The following C13orf46 variants were observed in gnomAD, a reference collection of about 807,000 sequenced individuals.
C13orf46 encodes the protein uncharacterized protein C13orf46.
chr13:113,960,804 C>A (rs974539222), intron 6 of C13orf46, among the ~76,000 whole-genome samples: 23 of 152,234 alleles, frequency 1.5e-4, no homozygotes, highest in Admixed American at 3.3e-4. Flanking sequence ...GGCGAGGTTC[C>A]ATCGGATCTG....
At chr13:113,948,003 G>T in the C13orf46 span, among the ~76,000 whole-genome samples, 57 of 152,352 alleles carry the variant, frequency 3.7e-4, no homozygotes, top group African/African-American at 1.3e-3. Flanking sequence ...AGCGCCCATC[G>T]GGGCCATGGA....
rs1207968477 is a variant in C13orf46, at chr13:113,963,515, C to T, written c.572+1412G>A. Among the ~76,000 whole-genome samples the T allele has an allele frequency of 1.8e-4, 25 of 137,770 alleles. 1 individual carries two copies. The highest frequency in any genetic ancestry group is 2.6e-4 in the South Asian group (1 of 3,886). 90.4% of individuals were successfully genotyped at this position (137,770 alleles called of 152,430 possible). A position where few individuals can be genotyped will look rare whatever the true frequency, so the allele number is the denominator to read the frequency against. ...CAGCCTCGGCCCCTGTCCTCAGCCT[C>T]GCCCCTGTCCTCAGCCTCACCCCTG... On this transcript the variant is annotated intron_variant, in intron 6 of 6. Coordinates refer to ENST00000636427, the MANE Select transcript of C13orf46 (RefSeq NM_001365455.2).
intron 5 of C13orf46, among the ~76,000 whole-genome samples, chr13:113,965,698 ATGG>A (rs1200185065): frequency 2.6e-5 from 4 of 150,968 alleles, no homozygotes; most frequent in African/African-American, 4.9e-5. Flanking sequence ...GATGGTGACA[ATGG>A]TGATGGTGAT....
intron 5 of C13orf46, among the ~76,000 whole-genome samples, chr13:113,965,971 T>A (rs1164119871): frequency 6.9e-6 from 1 of 144,390 alleles, no homozygotes. Flanking sequence ...GATTATAATG[T>A]TGGTGATGAT....
the C13orf46 span, among the ~76,000 whole-genome samples, chr13:113,945,551 A>AAGAAAGAC: frequency 1.1e-5 from 1 of 91,344 alleles, no homozygotes; most frequent in African/African-American, 3.9e-5. Flanking sequence ...GAAAGAAAGA[A>AAGAAAGAC]AGAAAGAAAG....
the C13orf46 span, among the ~76,000 whole-genome samples, chr13:113,930,181 GA>G: frequency 1.3e-5 from 2 of 152,240 alleles, no homozygotes; most frequent in East Asian, 3.8e-4. Flanking sequence ...ACTGTGCCTG[GA>G]GAGAAGCGCC....
chr13:113,932,695 G>A, the C13orf46 span, among the ~76,000 whole-genome samples: 1 of 152,160 alleles, frequency 6.6e-6, no homozygotes, highest in African/African-American at 2.4e-5. Flanking sequence ...GTCTCTTAAA[G>A]GGCAAAAGTT....
At chr13:113,969,103 A>C (rs1255377951) in intron 2 of C13orf46, among the ~76,000 whole-genome samples, 2 of 152,258 alleles carry the variant, frequency 1.3e-5, no homozygotes, top group Non-Finnish European at 2.9e-5. Context: ...CCTGTCGCAG[A>C]TCCACACTCC....
the C13orf46 span, among the ~76,000 whole-genome samples, chr13:113,934,221 C>T: frequency 1.3e-5 from 2 of 152,230 alleles, no homozygotes; most frequent in African/African-American, 4.8e-5. Context: ...CACCACGATG[C>T]GTCGGACACG....
At chr13:113,938,868 T>C in the C13orf46 span, among the ~76,000 whole-genome samples, 2 of 152,044 alleles carry the variant, frequency 1.3e-5, no homozygotes, top group South Asian at 4.1e-4. Flanking sequence ...TCAATCCCTA[T>C]GGAAAACTCA....
At chr13:113,939,664 C>T in the C13orf46 span, among the ~76,000 whole-genome samples, 2 of 152,172 alleles carry the variant, frequency 1.3e-5, no homozygotes, top group Admixed American at 1.3e-4. Context: ...TGGGCACAGA[C>T]CCGTTTCTCA....
chr13:113,944,171 C>T, the C13orf46 span, among the ~76,000 whole-genome samples: 2,691 of 152,242 alleles, frequency 0.018, 129 homozygotes, highest in Admixed American at 0.1. Flanking sequence ...TGGCAGGGCT[C>T]ATCTTGTCCT....
In C13orf46 at chr13:113,956,223, G is replaced by A. The variant is rs2052531561; in HGVS notation, c.*550C>T. The A allele has an allele frequency of 6.4e-6, 1 of 156,232 alleles. No homozygotes were observed. Among genetic ancestry groups the A allele is most frequent in the Non-Finnish European group, 1.4e-5 (1 of 70,832 alleles). 9.7% of individuals were successfully genotyped at this position (156,232 alleles called of 1,614,324 possible). On this transcript the variant is annotated 3_prime_UTR_variant, in exon 7 of 7. Transcript: ENST00000636427. ...GAGGAGCACCCGGTGGAGACGAGGA[G>A]CATCTCGAGGAGACGAGGAGCATCT... is the stretch of plus-strand genomic sequence containing the variant.
At chr13:113,962,278 C>T (rs973532516) in intron 6 of C13orf46, among the ~76,000 whole-genome samples, 166 of 152,172 alleles carry the variant, frequency 1.1e-3, no homozygotes, top group African/African-American at 3.8e-3. Context: ...TGGTGGTGGG[C>T]GCCTGTAGTC....
the C13orf46 span, among the ~76,000 whole-genome samples, chr13:113,936,590 G>C: frequency 6.6e-6 from 1 of 152,188 alleles, no homozygotes; most frequent in African/African-American, 2.4e-5. Flanking sequence ...ACGCAGAGCC[G>C]GCTAAACAGG....
the C13orf46 span, among the ~76,000 whole-genome samples, chr13:113,940,520 AGG>A: frequency 7.6e-6 from 1 of 131,472 alleles, no homozygotes. Context: ...TCCATGTGTG[AGG>A]CTGAGCGTTC....
At chr13:113,952,021 G>A (rs932353002), downstream of C13orf46, among the ~76,000 whole-genome samples, 20 of 152,222 alleles carry the variant, frequency 1.3e-4, no homozygotes, top group Non-Finnish European at 2.4e-4. Context: ...CCCAGACAGA[G>A]AAAACTCTGG....
the C13orf46 span, among the ~76,000 whole-genome samples, chr13:113,931,053 G>C: frequency 6.6e-6 from 1 of 152,210 alleles, no homozygotes; most frequent in East Asian, 1.9e-4. Flanking sequence ...TTGTGTTCAC[G>C]TGTGTATTTG....
At chr13:113,926,950 C>G in the C13orf46 span, 1 of 152,280 alleles carries the variant, frequency 6.6e-6, no homozygotes. Context: ...GCAGCCCTCT[C>G]AGGGCTTTTG....
Sources: gnomAD v4.1 joint callset for allele counts (sites outside exome capture counted in the v4.1 genomes callset) on GRCh38, gnomAD v4.1.1 for gene constraint, MANE v1.5 for transcripts, NCBI Gene and HGNC (gene_info 2026-07-23, HGNC 2026-07-21) for gene names.